Variants in SAMD12 observed in about 807,000 individuals in gnomAD.
SAMD12 encodes the protein sterile alpha motif domain-containing protein 12.
SAMD12 carries 9 observed loss-of-function variants against 15.0 expected under a neutral mutation model. That is an observed-to-expected ratio of 0.60 (90% CI 0.36 to 1.05). SAMD12 has a LOEUF of 1.05. SAMD12 is among the 50% of genes least tolerant of loss of function. The pLI is 0.01. For synonymous variants in SAMD12, 86 were observed against 90.1 expected (o/e 0.96, Z 0.25); for missense variants, 230 against 234.2 (o/e 0.98, Z 0.12).
At chr8:118,563,347 GCAGT>G (rs1826760770) in intron 2 of SAMD12, among the ~76,000 whole-genome samples, 1 of 152,164 alleles carries the variant, frequency 6.6e-6, no homozygotes, top group South Asian at 2.1e-4. Context: ...ACTTTCGACA[GCAGT>G]CAGAGATGCC....
Position 118,515,082 on chromosome 8 carries a change from G to A in SAMD12, c.192+65633C>T, listed in dbSNP as rs528288107. Among the ~76,000 whole-genome samples the A allele has an allele frequency of 5.9e-5, 9 of 151,962 alleles. No individual in the cohort carries two copies. The South Asian group carries it at 1.7e-3, about 28-fold the overall frequency. On this transcript the variant is annotated intron_variant, in intron 2 of 3. Transcript: ENST00000314727. The stretch of plus-strand genomic sequence containing the variant: ...CGCCCAGGCTGCAGTGCGGTGGCGT[G>A]ATCTCGGCTCACTGCAAGCTCCACC...
chr8:118,525,110 T>C (rs910528261), intron 2 of SAMD12, among the ~76,000 whole-genome samples: 22 of 152,198 alleles, frequency 1.4e-4, no homozygotes, highest in African/African-American at 5.1e-4. Context: ...GCCACTCTTC[T>C]CATTTTCTTT....
Position 118,412,163 on chromosome 8 carries a change from G to A in SAMD12, c.322+27669C>T, listed in dbSNP as rs535212447. On this transcript the variant is annotated intron_variant, in intron 3 of 3. Transcript: ENST00000314727. ...GGGCCGTGATCATAGCTGGTAGCCT[G>A]GGCCTGGCGAGGTTTCAGAATTAAC... Among the ~76,000 whole-genome samples the A allele has an allele frequency of 2.6e-5, 4 of 152,272 alleles. No individual in the cohort carries two copies. The South Asian group carries it at 8.3e-4, about 32-fold the overall frequency.
chr8:118,509,160 A>T (rs1465087822), intron 2 of SAMD12, among the ~76,000 whole-genome samples: 1 of 152,220 alleles, frequency 6.6e-6, no homozygotes, highest in Non-Finnish European at 1.5e-5. Context: ...AGGCAAAAAG[A>T]TCATGTGTCT....
At chr8:118,221,629 C>A (rs1189320441) in intron 4 of SAMD12, among the ~76,000 whole-genome samples, 1 of 152,062 alleles carries the variant, frequency 6.6e-6, no homozygotes, top group Non-Finnish European at 1.5e-5. Flanking sequence ...TGTTTGGAGC[C>A]AGATCATGAA....
At chr8:118,566,599 GAT>G (rs1366951190) in intron 2 of SAMD12, among the ~76,000 whole-genome samples, 2 of 152,042 alleles carry the variant, frequency 1.3e-5, no homozygotes, top group Admixed American at 1.3e-4. Flanking sequence ...GGGGTTAAAT[GAT>G]ATCTTTTATA....
chr8:118,270,846 A>G (rs1813338836), intron 4 of SAMD12, among the ~76,000 whole-genome samples: 1 of 152,218 alleles, frequency 6.6e-6, no homozygotes, highest in Non-Finnish European at 1.5e-5. Context: ...GTGAGAAAGA[A>G]TGCATAGCAA....
intron 4 of SAMD12, among the ~76,000 whole-genome samples, chr8:118,318,206 C>T (rs1190120773): frequency 6.7e-6 from 1 of 149,968 alleles, no homozygotes; most frequent in Admixed American, 6.7e-5. Context: ...GGGTATCTAC[C>T]CAAAGAAGTT....
intron 4 of SAMD12, among the ~76,000 whole-genome samples, chr8:118,244,893 A>G (rs1384921536): frequency 6.6e-6 from 1 of 152,144 alleles, no homozygotes; most frequent in Non-Finnish European, 1.5e-5. Context: ...AGGGTTTTAT[A>G]AACAGGGATG....
chr8:118,432,378 T>C (rs1027226027), intron 3 of SAMD12, among the ~76,000 whole-genome samples: 2 of 152,136 alleles, frequency 1.3e-5, no homozygotes, highest in Non-Finnish European at 2.9e-5. Context: ...TTTGGGGATA[T>C]CCAATAAATA....
rs147701683 is a variant in SAMD12 at position 118,210,581 on chromosome 8, C to T, written c.434-12849G>A. ...AGAGGGATTCTATTTATTGTTGTCT[C>T]ATTTGAAAAGAAAAAAACAAGAAAA... On this transcript the variant is annotated intron_variant, in intron 4 of 4. Transcript: ENST00000409003. 2.1e-3 allele frequency among the ~76,000 whole-genome samples: 327 copies of T among 152,258 alleles called. 2 individuals are homozygous for T. Among genetic ancestry groups the T allele is most frequent in the African/African-American group, 6.9e-3 (285 of 41,560 alleles).
chr8:118,550,137 A>C (rs1429674351), intron 2 of SAMD12, among the ~76,000 whole-genome samples: 1 of 152,226 alleles, frequency 6.6e-6, no homozygotes, highest in Non-Finnish European at 1.5e-5. Flanking sequence ...TCCCCAACCC[A>C]GCAAGGCAGG....
chr8:118,227,245 C>T (rs1355344236), intron 4 of SAMD12, among the ~76,000 whole-genome samples: 1 of 152,076 alleles, frequency 6.6e-6, no homozygotes, highest in Non-Finnish European at 1.5e-5. Flanking sequence ...GGCCATTATC[C>T]TTAGCAAACT....
chr8:118,150,381 T>G, the SAMD12 span, among the ~76,000 whole-genome samples: 1 of 152,226 alleles, frequency 6.6e-6, no homozygotes, highest in East Asian at 1.9e-4. Context: ...GTTATTATTG[T>G]TTTTTCTCTT....
downstream of SAMD12, among the ~76,000 whole-genome samples, chr8:118,377,497 G>A (rs1010109609): frequency 9.2e-5 from 14 of 152,166 alleles, no homozygotes; most frequent in South Asian, 2.1e-4. Context: ...AGAACAATGC[G>A]GCCTTCCAAA....
At chr8:118,351,010 A>T (rs2130595577) in intron 4 of SAMD12, among the ~76,000 whole-genome samples, 1 of 152,324 alleles carries the variant, frequency 6.6e-6, no homozygotes, top group South Asian at 2.1e-4. Flanking sequence ...TCTCTATGAC[A>T]ATTTCTTAAG....
At chr8:118,551,184 C>A (rs1039031389) in intron 2 of SAMD12, among the ~76,000 whole-genome samples, 2 of 152,210 alleles carry the variant, frequency 1.3e-5, no homozygotes, top group African/African-American at 4.8e-5. Context: ...ACCTAATAGA[C>A]ATCTACAGAA....
intron 3 of SAMD12, among the ~76,000 whole-genome samples, chr8:118,432,726 G>C (rs7341679): frequency 6.6e-6 from 1 of 152,134 alleles, no homozygotes; most frequent in African/African-American, 2.4e-5. Context: ...GAATTATTCA[G>C]GTGAATGGGT....
At chr8:118,427,746 C>T (rs1029431278) in intron 3 of SAMD12, among the ~76,000 whole-genome samples, 1 of 152,130 alleles carries the variant, frequency 6.6e-6, no homozygotes, top group Admixed American at 6.5e-5. Flanking sequence ...AATTATTGGA[C>T]TAGAATTTTT....
Sources: allele counts gnomAD v4.1 joint callset (sites outside exome capture counted in the v4.1 genomes callset), GRCh38; gene constraint gnomAD v4.1.1; transcripts MANE v1.5; gene names NCBI Gene and HGNC (gene_info 2026-07-23, HGNC 2026-07-21).